The following ITGA9 variants were observed in gnomAD, a reference collection of about 807,000 sequenced individuals.
The protein encoded by ITGA9 is integrin subunit alpha 9.
In ITGA9, 56 loss-of-function variants were observed where a neutral mutation model predicts 127.8. The observed-to-expected ratio is 0.44, with a 90% CI of 0.35 to 0.55. The LOEUF (loss-of-function observed/expected upper bound fraction) is 0.55, where lower values mean the gene tolerates loss of function less well. Ranked by LOEUF, ITGA9 falls within the 20% of genes least tolerant of loss-of-function variation. The pLI, the probability that ITGA9 is intolerant of heterozygous loss-of-function variation, is 0.00. For synonymous variants in ITGA9, 508 were observed against 514.5 expected, an observed-to-expected ratio of 0.99 and a Z score of 0.17; for missense variants, 1,196 against 1,347.1, an observed-to-expected ratio of 0.89 and a Z score of 1.76.
intron 1 of ITGA9, among the ~76,000 whole-genome samples, chr3:37,469,416 G>C (rs775216892): frequency 7.9e-5 from 12 of 152,114 alleles, no homozygotes; most frequent in Non-Finnish European, 1.0e-4. Flanking sequence ...GGAGGAGAGG[G>C]AGACAGAAGA....
intron 21 of ITGA9, 37 bp downstream of exon 21, chr3:37,741,856 G>A (rs1352218803): frequency 6.7e-7 from 1 of 1,482,774 alleles, no homozygotes; most frequent in Non-Finnish European, 9.4e-7. Flanking sequence ...CAACACAGGA[G>A]TGCCCTCCAG....
chr3:37,536,010 T>G (rs371551538), intron 14 of ITGA9, among the ~76,000 whole-genome samples: 1 of 152,060 alleles, frequency 6.6e-6, no homozygotes, highest in Non-Finnish European at 1.5e-5. Context: ...GTCAGGTAAC[T>G]GTGGGGGCCC....
intron 16 of ITGA9, among the ~76,000 whole-genome samples, chr3:37,634,107 A>G (rs914706214): frequency 2.6e-5 from 4 of 152,190 alleles, no homozygotes; most frequent in African/African-American, 9.6e-5. Context: ...AAATAAAAAT[A>G]AAAAAGCAAA....
chr3:37,594,502 A>ATT (rs11299412), intron 15 of ITGA9, among the ~76,000 whole-genome samples: 3 of 150,740 alleles, frequency 2.0e-5, no homozygotes, highest in African/African-American at 7.3e-5. Context: ...GGAAGTTTGT[A>ATT]TTTTTTTTTT....
At chr3:37,686,014 G>C (rs527997031) in intron 18 of ITGA9, among the ~76,000 whole-genome samples, 8 of 152,120 alleles carry the variant, frequency 5.3e-5, no homozygotes, top group Admixed American at 3.9e-4. Context: ...CTGTATTTAG[G>C]TTATTCCCAG....
At chr3:37,643,622 T>C (rs1268907050) in intron 16 of ITGA9, among the ~76,000 whole-genome samples, 1 of 152,242 alleles carries the variant, frequency 6.6e-6, no homozygotes, top group Non-Finnish European at 1.5e-5. Context: ...TATCCTGTCC[T>C]ATTGAAAACC....
At chr3:37,514,591 G>A (rs1215706963) in intron 9 of ITGA9, among the ~76,000 whole-genome samples, 1 of 152,082 alleles carries the variant, frequency 6.6e-6, no homozygotes, top group Non-Finnish European at 1.5e-5. Context: ...TTGTTTTGAG[G>A]CAAAGTATCA....
At chr3:37,522,724 TA>T (rs35125393) in intron 11 of ITGA9, among the ~76,000 whole-genome samples, 77,452 of 145,378 alleles carry the variant, frequency 0.53, 21,009 homozygotes, top group East Asian at 0.81. Context: ...CTCTATCTCT[TA>T]AAAAAAAAAA....
chr3:37,550,417 T>C (rs1036493799), intron 15 of ITGA9, among the ~76,000 whole-genome samples: 1 of 152,202 alleles, frequency 6.6e-6, no homozygotes, highest in Non-Finnish European at 1.5e-5. Flanking sequence ...TGGGGGTTTA[T>C]GTTCTAGAGC....
At chr3:37,571,007 T>C (rs999844509) in intron 15 of ITGA9, among the ~76,000 whole-genome samples, 2 of 152,236 alleles carry the variant, frequency 1.3e-5, no homozygotes, top group African/African-American at 4.8e-5. Context: ...CAGAAACATA[T>C]GACCCACTTT....
intron 18 of ITGA9, among the ~76,000 whole-genome samples, chr3:37,710,994 G>C (rs1309645503): frequency 6.6e-6 from 1 of 152,230 alleles, no homozygotes; most frequent in African/African-American, 2.4e-5. Flanking sequence ...CCCTCATAGT[G>C]GGTTGGGGAT....
chr3:37,752,679 GCA>G (rs1459780091), intron 23 of ITGA9, among the ~76,000 whole-genome samples: 1 of 152,186 alleles, frequency 6.6e-6, no homozygotes, highest in Admixed American at 6.5e-5. Flanking sequence ...CCCACGTGTG[GCA>G]CAGTTTTCTG....
intron 15 of ITGA9, among the ~76,000 whole-genome samples, chr3:37,619,343 C>T (rs1436587219): frequency 6.6e-6 from 1 of 152,162 alleles, no homozygotes; most frequent in African/African-American, 2.4e-5. Flanking sequence ...TACATGGTAT[C>T]TTGGATTTCA....
At chr3:37,732,922 C>T (rs1036961110) in intron 19 of ITGA9, 124 bp downstream of exon 19, 13 of 753,830 alleles carry the variant, frequency 1.7e-5, no homozygotes, top group African/African-American at 3.4e-5. Context: ...GCAGCTGGGG[C>T]GGCCACTGAA....
Position 37,823,020 on chromosome 3 carries a change from TA to T in ITGA9, c.*4032del, listed in dbSNP as rs1697532082. 2.0e-5 allele frequency: 3 copies of T among 151,768 alleles called. No homozygotes were observed. The highest frequency in any genetic ancestry group is 4.4e-5 in the Non-Finnish European group (3 of 68,032). 9.4% of individuals were successfully genotyped at this position (151,768 alleles called of 1,614,324 possible). A position where few individuals can be genotyped will look rare whatever the true frequency, so the allele number is the denominator to read the frequency against. ...GATATTTTGATATATAGAATAATAATATACACAGTGGAGAATATTCAAAGAG... is the reference window on the plus strand; with the variant it reads ...GATATTTTGATATATAGAATAATAATTACACAGTGGAGAATATTCAAAGAG... On this transcript the variant is annotated 3_prime_UTR_variant, in exon 28 of 28. Transcript: ENST00000264741.
intron 15 of ITGA9, among the ~76,000 whole-genome samples, chr3:37,603,175 A>C (rs1699937761): frequency 6.6e-6 from 1 of 152,244 alleles, no homozygotes; most frequent in South Asian, 2.1e-4. Flanking sequence ...TTAGTCACTC[A>C]GTACAGTCTG....
intron 18 of ITGA9, among the ~76,000 whole-genome samples, chr3:37,690,474 G>A (rs531854504): frequency 9.8e-5 from 15 of 152,286 alleles, no homozygotes; most frequent in African/African-American, 3.6e-4. Context: ...ACTCATGCAT[G>A]CCTCATGTGA....
chr3:37,523,127 A>G (rs1425096461), intron 11 of ITGA9, among the ~76,000 whole-genome samples: 1 of 152,234 alleles, frequency 6.6e-6, no homozygotes, highest in Non-Finnish European at 1.5e-5. Flanking sequence ...TTGGGAAGAA[A>G]GATACAAGCT....
intron 26 of ITGA9, among the ~76,000 whole-genome samples, chr3:37,798,827 CCTG>C (rs1349441416): frequency 6.6e-6 from 1 of 152,144 alleles, no homozygotes; most frequent in Non-Finnish European, 1.5e-5. Context: ...GCTTTGCCAC[CCTG>C]CTGACTTCCT....
Sources: gnomAD v4.1 joint callset for allele counts (sites outside exome capture counted in the v4.1 genomes callset) on GRCh38, gnomAD v4.1.1 for gene constraint, MANE v1.5 for transcripts, NCBI Gene and HGNC (gene_info 2026-07-23, HGNC 2026-07-21) for gene names.